RPTOR: variants seen among roughly 807,000 people sequenced by gnomAD.
RPTOR encodes regulatory associated protein of MTOR complex 1.
Under a neutral mutation model 169.9 loss-of-function variants are expected in RPTOR, and 21 were observed. The observed-to-expected ratio is 0.12, with a 90% CI of 0.09 to 0.18. The LOEUF is 0.18. RPTOR is among the 10% of genes least tolerant of loss of function. The pLI is 1.00. For synonymous variants in RPTOR, 732 were observed against 753.2 expected (o/e 0.97, Z 0.46); for missense variants, 1,133 against 1,855.9 (o/e 0.61, Z 7.16).
chr17:80,791,992 G>T (rs528868029), intron 7 of RPTOR, among the ~76,000 whole-genome samples: 7 of 152,146 alleles, frequency 4.6e-5, no homozygotes, highest in Non-Finnish European at 1.0e-4. Flanking sequence ...ACGGGATTTA[G>T]TCAGGCCTAT....
At position 80,739,233 on chromosome 17, in the gene RPTOR, GGA is replaced by G. The variant is rs2066462301; in HGVS notation, c.654+8529_654+8530del. Among the ~76,000 whole-genome samples, 15 of 75,468 alleles carry G rather than the reference GGA, an allele frequency of 2.0e-4. No individual in the cohort carries two copies. In the South Asian group the frequency reaches 5.4e-3, roughly 27 times the overall value. 49.5% of individuals were successfully genotyped at this position (75,468 alleles called of 152,430 possible). ...AAGGATCCTGGTGGCACAGGGCAGTGGAGTTTCTGGCTGAAGGTGGAGCCTCA... is the reference window on the plus strand; with the variant it reads ...AAGGATCCTGGTGGCACAGGGCAGTGGTTTCTGGCTGAAGGTGGAGCCTCA... On this transcript the variant is annotated intron_variant, in intron 5 of 33. Transcript: ENST00000306801.
At chr17:80,637,027 G>T (rs1481006815) in intron 2 of RPTOR, among the ~76,000 whole-genome samples, 1 of 152,218 alleles carries the variant, frequency 6.6e-6, no homozygotes, top group Non-Finnish European at 1.5e-5. Context: ...CAATATGCAG[G>T]TAGCAATGTG....
At position 80,924,042 on chromosome 17, in the gene RPTOR, C is replaced by T. The variant is rs1253422192; in HGVS notation, c.2808+369C>T. 1.3e-5 allele frequency: 4 copies of T among 307,256 alleles called. No homozygotes were observed. The East Asian group carries it at 2.5e-4, about 19-fold the overall frequency. The allele number at this position is 307,256 out of a possible 1,614,324, so 19.0% of individuals were successfully genotyped here. A position where few individuals can be genotyped will look rare whatever the true frequency, so the allele number is the denominator to read the frequency against. On this transcript the variant is annotated intron_variant, in intron 23 of 33. Coordinates refer to ENST00000306801, the MANE Select transcript of RPTOR (RefSeq NM_020761.3). Reference sequence around the variant, plus strand: ...CCTGGCTCTGCCCTTCCTGGGCACACAGCACTCTGCGTCCGCTTGGGGGCA... The same window carrying T: ...CCTGGCTCTGCCCTTCCTGGGCACATAGCACTCTGCGTCCGCTTGGGGGCA...
chr17:80,779,345 C>T (rs2066918003), intron 6 of RPTOR, among the ~76,000 whole-genome samples: 3 of 152,248 alleles, frequency 2.0e-5, no homozygotes, highest in Admixed American at 2.0e-4. Context: ...GCCAGGTCAA[C>T]AGGCAACTGT....
intron 1 of RPTOR, among the ~76,000 whole-genome samples, chr17:80,557,528 A>G (rs2084425074): frequency 1.0e-5 from 1 of 98,434 alleles, no homozygotes; most frequent in African/African-American, 3.2e-5. Flanking sequence ...AAATAAATCA[A>G]TAACTCAATA....
chr17:80,764,459 A>T (rs562621812), intron 6 of RPTOR, among the ~76,000 whole-genome samples: 14 of 150,938 alleles, frequency 9.3e-5, no homozygotes, highest in African/African-American at 3.4e-4. Context: ...ATGATTTCCA[A>T]TTTCATCCAT....
intron 33 of RPTOR, 24 bp downstream of exon 33, chr17:80,963,081 T>C: frequency 3.8e-5 from 3 of 79,868 alleles, no homozygotes; most frequent in Non-Finnish European, 7.2e-5. Flanking sequence ...TGGGTGGGGG[T>C]CGGGGGTCGG....
intron 25 of RPTOR, among the ~76,000 whole-genome samples, chr17:80,943,420 G>A (rs888380446): frequency 3.3e-5 from 5 of 152,226 alleles, no homozygotes; most frequent in Admixed American, 2.6e-4. Flanking sequence ...GGGTTTATTG[G>A]GTGAGAAGGA....
intron 2 of RPTOR, among the ~76,000 whole-genome samples, chr17:80,631,243 C>T (rs539024030): frequency 1.3e-5 from 2 of 152,112 alleles, no homozygotes; most frequent in Admixed American, 6.5e-5. Context: ...CTGAGGGTCT[C>T]CTGCTTTGCT....
chr17:80,798,113 G>A (rs2067118840), intron 7 of RPTOR, among the ~76,000 whole-genome samples: 1 of 152,234 alleles, frequency 6.6e-6, no homozygotes, highest in Non-Finnish European at 1.5e-5. Flanking sequence ...GCTTGAGGAT[G>A]AGCTCCCAGC....
rs1308859164 is a variant in RPTOR, at chr17:80,730,511, C to T, written c.508-49C>T. On this transcript the variant is annotated intron_variant, in intron 4 of 33. Coordinates refer to ENST00000306801, the MANE Select transcript of RPTOR (RefSeq NM_020761.3). The surrounding 1 kb of genome is among the most constrained non-coding windows in gnomAD (Gnocchi z 4.2). ...AACGGTGCAGTACTCACCAGCAGCC[C>T]ATATTCCTGAGACGCACATGTAACG... The T allele has an allele frequency of 1.2e-6, 2 of 1,600,272 alleles. No individual in the cohort carries two copies. The highest frequency in any genetic ancestry group is 1.7e-6 in the Non-Finnish European group (2 of 1,168,758).
At chr17:80,840,085 G>A (rs1247507794) in intron 10 of RPTOR, among the ~76,000 whole-genome samples, 1 of 152,174 alleles carries the variant, frequency 6.6e-6, no homozygotes, top group Non-Finnish European at 1.5e-5. Flanking sequence ...CTTGGTGAAT[G>A]TTTCAAGCTG....
rs1456566486 is a variant in RPTOR, at chr17:80,893,306, TGTGCGCCAGGTGTGTGC to T, written c.2243-399_2243-383del. Reference sequence around the variant, plus strand: ...AGGGTGTGTGTGCGCCGGGTGTGTGTGTGCGCCAGGTGTGTGCGCGCGCCAGGTGTGTGTGCGCCAGG... The same window carrying T: ...AGGGTGTGTGTGCGCCGGGTGTGTGTGCGCGCCAGGTGTGTGTGCGCCAGG... On this transcript the variant is annotated intron_variant, in intron 19 of 33. Transcript: ENST00000306801. Among the ~76,000 whole-genome samples, 487 of 147,574 alleles carry T rather than the reference TGTGCGCCAGGTGTGTGC, an allele frequency of 3.3e-3. 2 individuals carry two copies. The highest frequency in any genetic ancestry group is 5.1e-3 in the Non-Finnish European group (344 of 67,016).
At chr17:80,814,740 T>C (rs2067306740) in intron 7 of RPTOR, among the ~76,000 whole-genome samples, 1 of 152,114 alleles carries the variant, frequency 6.6e-6, no homozygotes, top group Non-Finnish European at 1.5e-5. Context: ...AACAGCAAGA[T>C]GAAGAAAGAA....
chr17:80,947,826 G>A lies in RPTOR; in HGVS notation c.3265+475G>A, dbSNP rs945274105. Among the ~76,000 whole-genome samples, 108 of 152,330 alleles carry A rather than the reference G, an allele frequency of 7.1e-4. No individual in the cohort carries two copies. The highest frequency in any genetic ancestry group is 2.6e-3 in the African/African-American group (107 of 41,584). ...TCCAGTCCCGTCCTGCACCTGAAAG[G>A]ACATCGTTGACCATCATGGTCGCTG... On this transcript the variant is annotated intron_variant, in intron 27 of 33. Transcript: ENST00000306801. This position sits in a 1 kb window ranked among gnomAD's most constrained non-coding sequence, Gnocchi z 4.4.
chr17:80,634,120 GTGTGTGTGTGTGCATAC>G (rs2065463285), intron 2 of RPTOR, among the ~76,000 whole-genome samples: 1 of 65,756 alleles, frequency 1.5e-5, no homozygotes, highest in African/African-American at 4.0e-5. Flanking sequence ...TGTGCATACT[GTGTGTGTGTGTGCATAC>G]TGTGTGCGTG....
intron 4 of RPTOR, among the ~76,000 whole-genome samples, chr17:80,714,166 C>G (rs8072448): frequency 0.16 from 23,897 of 152,052 alleles, 2,751 homozygotes; most frequent in African/African-American, 0.33. Flanking sequence ...GTCTTGAACT[C>G]CTGACCTCAG....
chr17:80,633,289 C>T lies in RPTOR; in HGVS notation c.265+7496C>T, dbSNP rs1487014745. ...AGTCACCAAAATCAAGGAGCATTCG[C>T]GTGGACGTGTGACTGCCACGTAAGC... On this transcript the variant is annotated intron_variant, in intron 2 of 33. Transcript: ENST00000306801. The surrounding 1 kb of genome is among the most constrained non-coding windows in gnomAD (Gnocchi z 4.1). Among the ~76,000 whole-genome samples, 1 of 152,216 alleles carries T rather than the reference C, an allele frequency of 6.6e-6. No homozygotes were observed. Among genetic ancestry groups the T allele is most frequent in the African/African-American group, 2.4e-5 (1 of 41,446 alleles).
chr17:80,629,899 G>A (rs1316254418), intron 2 of RPTOR, among the ~76,000 whole-genome samples: 3 of 152,170 alleles, frequency 2.0e-5, no homozygotes, highest in Non-Finnish European at 4.4e-5. Context: ...TCTATGTATT[G>A]CGCTGTTGGA....
Sources: allele counts gnomAD v4.1 joint callset (sites outside exome capture counted in the v4.1 genomes callset), GRCh38; gene constraint gnomAD v4.1.1; non-coding constraint Gnocchi (gnomAD v3.1); transcripts MANE v1.5; gene names NCBI Gene and HGNC (gene_info 2026-07-23, HGNC 2026-07-21).